CWC15: variants seen among roughly 807,000 people sequenced by gnomAD.
CWC15 encodes the protein spliceosome-associated protein CWC15 homolog.
In CWC15, 12 loss-of-function variants were observed where a neutral mutation model predicts 28.4. That is an observed-to-expected ratio of 0.42 (90% confidence interval 0.27 to 0.69). The LOEUF (loss-of-function observed/expected upper bound fraction) is 0.69. Ranked by LOEUF, CWC15 falls within the 30% of genes least tolerant of loss-of-function variation. The probability of loss-of-function intolerance (pLI) is 0.23; values close to 1 mark genes in which losing one functional copy is unlikely to be tolerated. For missense variants in CWC15, 192 were observed against 271.5 expected (o/e 0.71, Z 2.06); for synonymous variants, 92 against 88.4 (o/e 1.04, Z -0.23).
intron 5 of CWC15, 49 bp downstream of exon 5, chr11:94,969,940 T>C: frequency 8.0e-7 from 1 of 1,248,846 alleles, no homozygotes; most frequent in Non-Finnish European, 1.1e-6. Flanking sequence ...AATTTCTACC[T>C]TAGTGTATGT....
chr11:94,966,226 T>TAC (rs58215154), intron 6 of CWC15, 69 bp downstream of exon 6: 62,947 of 660,996 alleles, frequency 0.095, 985 homozygotes, highest in East Asian at 0.14. Flanking sequence ...CATACACATA[T>TAC]ACACACACAC....
chr11:94,967,761 C>T (rs1238815734), intron 5 of CWC15, among the ~76,000 whole-genome samples: 1 of 152,084 alleles, frequency 6.6e-6, no homozygotes, highest in East Asian at 1.9e-4. Flanking sequence ...AGGAAAATTC[C>T]TTTATGTCAC....
intron 5 of CWC15, among the ~76,000 whole-genome samples, chr11:94,966,976 T>C (rs1857654972): frequency 1.3e-5 from 2 of 152,154 alleles, no homozygotes; most frequent in South Asian, 2.1e-4. Flanking sequence ...TACAAAATTA[T>C]ATCCAGTTAA....
chr11:94,966,684 C>A (rs1466766302), intron 5 of CWC15, among the ~76,000 whole-genome samples: 2 of 151,716 alleles, frequency 1.3e-5, no homozygotes, highest in Non-Finnish European at 2.9e-5. Flanking sequence ...TGAAATGCTA[C>A]AGATCCATAT....
At position 94,970,021 on chromosome 11, in the gene CWC15, TA is replaced by T; in HGVS notation, c.408del (p.Glu139LysfsTer26). 1 of 1,571,938 alleles carries T rather than the reference TA, an allele frequency of 6.4e-7. No homozygotes were observed. Among genetic ancestry groups the T allele is most frequent in the East Asian group, 2.3e-5 (1 of 43,574 alleles). On this transcript the variant is annotated frameshift_variant, in exon 5 of 7. Coordinates refer to ENST00000279839, the MANE Select transcript of CWC15 (RefSeq NM_016403.4). LOFTEE classifies it high-confidence loss of function. The stretch of plus-strand genomic sequence containing the variant: ...GCCTGCTCTTCAGCTCTTTCTTTTT[TA>T]ATTTTTTCCAGTTCTGCAAGAAGAG... ...TAALLAELEK[I>X]KKERAEEQAR...
chr11:94,969,740 A>C (rs1857692968), intron 5 of CWC15, among the ~76,000 whole-genome samples: 2 of 152,224 alleles, frequency 1.3e-5, no homozygotes, highest in South Asian at 4.1e-4. Flanking sequence ...ACAAATGAAT[A>C]AACAAGTAAA....
chr11:94,972,126 T>A lies in CWC15; in HGVS notation c.60A>T (p.Glu20Asp). The change falls in exon 2 of 7, where the codon GAA (glutamate) becomes GAT (aspartate). Residue 20 changes from glutamate (E) to aspartate (D), a missense_variant. Transcript: ENST00000279839. ...GCTTTGAAAGTTGGCTCAAATCACC[T>A]TCTCCTTTTCCCCTTCCACCTCTGG... The part of the protein sequence containing the change: ...EPARGGRGKG[E>D]GDLSQLSKQY... 6.2e-7 allele frequency: 1 copy of A among 1,613,898 alleles called. No homozygotes were observed. The highest frequency in any genetic ancestry group is 8.5e-7 in the Non-Finnish European group (1 of 1,179,834).
intron 3 of CWC15, 50 bp downstream of exon 3, chr11:94,971,325 C>T (rs375899879): frequency 7.0e-7 from 1 of 1,436,566 alleles, no homozygotes; most frequent in African/African-American, 1.4e-5. Flanking sequence ...TAAAGAAAAA[C>T]TATCAACAAC....
At chr11:94,971,213 G>T in intron 3 of CWC15, 148 bp from the exon 4 acceptor site, 1 of 960,392 alleles carries the variant, frequency 1.0e-6, no homozygotes, top group Non-Finnish European at 1.6e-6. Context: ...ATAAGCCTTT[G>T]GTAAATATTT....
chr11:94,971,291 G>T, intron 3 of CWC15, 84 bp downstream of exon 3: 1 of 1,159,270 alleles, frequency 8.6e-7, no homozygotes, highest in South Asian at 1.3e-5. Flanking sequence ...GTAAACAAAT[G>T]GTTAACATTT....
At chr11:94,965,821 G>C (rs1857632335) in intron 6 of CWC15, among the ~76,000 whole-genome samples, 1 of 152,156 alleles carries the variant, frequency 6.6e-6, no homozygotes, top group Non-Finnish European at 1.5e-5. Context: ...ACCTGCACAT[G>C]GATTCCTCTA....
At chr11:94,966,718 G>A (rs1185886656) in intron 5 of CWC15, among the ~76,000 whole-genome samples, 1 of 151,908 alleles carries the variant, frequency 6.6e-6, no homozygotes, top group Non-Finnish European at 1.5e-5. Context: ...CTTTCTTGAA[G>A]TACATGTCAA....
intron 4 of CWC15, chr11:94,970,629 G>A: frequency 4.0e-6 from 1 of 252,736 alleles, no homozygotes. Context: ...CAACTCTAGA[G>A]GGCACTGTTT....
chr11:94,968,846 C>CT (rs1565413827), intron 5 of CWC15, among the ~76,000 whole-genome samples: 1 of 152,112 alleles, frequency 6.6e-6, no homozygotes, highest in African/African-American at 2.4e-5. Context: ...TTCTTACTTT[C>CT]TTTTTTAAAA....
In CWC15 at chr11:94,970,083, T is replaced by C; in HGVS notation, c.347A>G (p.Asp116Gly). 6.6e-7 allele frequency: 1 copy of C among 1,516,020 alleles called. No individual in the cohort carries two copies. The highest frequency in any genetic ancestry group is 9.0e-7 in the Non-Finnish European group (1 of 1,114,194). 93.9% of individuals were successfully genotyped at this position (1,516,020 alleles called of 1,614,324 possible). ...DDPLTDEEDE[D>G]FEEESDDDDT... ...ATCATCATCACTTTCTTCTTCAAAA[T>C]CTTCATCTTCCTCCTAAAAGAACAG... The change falls in exon 5 of 7, where the codon GAT (aspartate) becomes GGT (glycine). Residue 116 changes from aspartate to glycine, a missense_variant. By Grantham distance (94) the Asp-to-Gly change is moderately conservative. Coordinates refer to ENST00000279839, the MANE Select transcript of CWC15 (RefSeq NM_016403.4).
At chr11:94,963,949 A>C (rs1452317956) in intron 6 of CWC15, among the ~76,000 whole-genome samples, 5 of 152,192 alleles carry the variant, frequency 3.3e-5, no homozygotes, top group African/African-American at 1.2e-4. Flanking sequence ...TTTATCAGTT[A>C]ATGTTTAGTA....
rs1294304671 is a variant in CWC15, at chr11:94,963,299, CAG to C, written c.*84_*85del. ...TGGGGAAGCCCACACACAATTTAGA[CAG>C]GGGAAAAGAAAAAAAAAACTCATAA... On this transcript the variant is annotated 3_prime_UTR_variant, in exon 7 of 7. Coordinates refer to ENST00000279839, the MANE Select transcript of CWC15 (RefSeq NM_016403.4). 2.8e-6 allele frequency: 3 copies of C among 1,083,682 alleles called. No homozygotes were observed. The highest frequency in any genetic ancestry group is 2.8e-5 in the East Asian group (1 of 36,114). The allele number at this position is 1,083,682 out of a possible 1,614,324, so 67.1% of individuals were successfully genotyped here.
chr11:94,963,487 G>A lies in CWC15; in HGVS notation c.588C>T (p.Asn196=). Residue 196 remains asparagine (N), a synonymous_variant, in exon 7 of 7, where the codon AAC becomes AAT. Transcript: ENST00000279839. ...RRWDDDVVFK[N]CAKGVDDQKK... ...TCTGGTCATCTACACCTTTTGCACA[G>A]TTCTTGAAGACAACGTCATCATCCC... The A allele has an allele frequency of 6.3e-7, 1 of 1,578,896 alleles. No individual in the cohort carries two copies.
chr11:94,972,384 G>A (rs1857734599), intron 1 of CWC15, among the ~76,000 whole-genome samples, 191 bp from the exon 2 acceptor site: 1 of 152,138 alleles, frequency 6.6e-6, no homozygotes, highest in African/African-American at 2.4e-5. Flanking sequence ...TGGCTTCTCA[G>A]GCTTGCCTTA....
Sources: gnomAD v4.1 joint callset for allele counts (sites outside exome capture counted in the v4.1 genomes callset) on GRCh38, gnomAD v4.1.1 for gene constraint, MANE v1.5 for transcripts, NCBI Gene and HGNC (gene_info 2026-07-23, HGNC 2026-07-21) for gene names.